The following AFF4 variants were observed in gnomAD, a reference collection of about 807,000 sequenced individuals.
AFF4 encodes the protein AF4/FMR2 family member 4.
A neutral mutation model predicts 124.8 loss-of-function variants in AFF4; 13 were observed. The observed-to-expected ratio is 0.10, with a 90% confidence interval of 0.07 to 0.17. AFF4 has a LOEUF of 0.17. Ranked by LOEUF, AFF4 falls within the 10% of genes least tolerant of loss-of-function variation. The pLI is 1.00. For synonymous variants in AFF4, 477 were observed against 496.1 expected (o/e 0.96, Z 0.51); for missense variants, 1,092 against 1,403.8 (o/e 0.78, Z 3.55).
intron 5 of AFF4, among the ~76,000 whole-genome samples, chr5:132,904,835 G>T (rs1057203790): frequency 6.6e-6 from 1 of 151,988 alleles, no homozygotes; most frequent in Non-Finnish European, 1.5e-5. Context: ...CGGATCATGA[G>T]GTCAGGAGAT....
chr5:132,886,960 A>G (rs547254312), intron 17 of AFF4, among the ~76,000 whole-genome samples: 2 of 152,274 alleles, frequency 1.3e-5, no homozygotes, highest in African/African-American at 2.4e-5. Context: ...AGTTACATAT[A>G]CTTTTCTTTC....
chr5:132,903,308 A>G (rs1355214922), intron 6 of AFF4, among the ~76,000 whole-genome samples: 2 of 152,360 alleles, frequency 1.3e-5, no homozygotes, highest in East Asian at 3.9e-4. Context: ...TAAAGAAAGC[A>G]TAACATCAAA....
chr5:132,882,260 T>C (rs1308599245), intron 20 of AFF4, among the ~76,000 whole-genome samples: 2 of 151,942 alleles, frequency 1.3e-5, no homozygotes, highest in Non-Finnish European at 2.9e-5. Flanking sequence ...CCTTTCACCA[T>C]TGCCTCTCTT....
chr5:132,908,776 A>ATATATATAT (rs375891983), intron 5 of AFF4, among the ~76,000 whole-genome samples: 1 of 114,920 alleles, frequency 8.7e-6, no homozygotes, highest in African/African-American at 3.0e-5. Context: ...ATATATATAT[A>ATATATATAT]TTTTTTTTTT....
intron 5 of AFF4, 39 bp from the exon 6 acceptor site, chr5:132,904,443 A>G (rs772961951): frequency 6.4e-7 from 1 of 1,553,270 alleles, no homozygotes; most frequent in Non-Finnish European, 8.8e-7. Flanking sequence ...AAGTTACACT[A>G]AAAAAGAAAG....
Position 132,896,629 on chromosome 5 carries a change from CTTA to C in AFF4, c.1998_2000del (p.Lys667del). On this transcript the variant is annotated inframe_deletion, in exon 11 of 21. Transcript: ENST00000265343. ...CAGGAGTCCTATTGCTCTCGGGGTACTTAGGAGTTTGTGAGGAAGGAGGAAGGC... is the reference window on the plus strand; with the variant it reads ...CAGGAGTCCTATTGCTCTCGGGGTACGGAGTTTGTGAGGAAGGAGGAAGGC... 1 of 1,614,032 alleles carries C rather than the reference CTTA, an allele frequency of 6.2e-7. No homozygotes were observed. Among genetic ancestry groups the C allele is most frequent in the Non-Finnish European group, 8.5e-7 (1 of 1,180,002 alleles).
chr5:132,910,553 T>A (rs936120240), intron 5 of AFF4, among the ~76,000 whole-genome samples: 2 of 152,204 alleles, frequency 1.3e-5, no homozygotes, highest in Non-Finnish European at 2.9e-5. Flanking sequence ...AAGTACCTAT[T>A]AAAGTATCAC....
intron 5 of AFF4, among the ~76,000 whole-genome samples, chr5:132,907,909 G>C (rs1760705912): frequency 6.6e-6 from 1 of 152,104 alleles, no homozygotes; most frequent in South Asian, 2.1e-4. Context: ...ACAGTTTACA[G>C]ACTTATAGAC....
chr5:132,925,076 G>A (rs1192383730), intron 5 of AFF4, among the ~76,000 whole-genome samples: 2 of 152,018 alleles, frequency 1.3e-5, no homozygotes, highest in Non-Finnish European at 2.9e-5. Flanking sequence ...TCGGGAGGCT[G>A]AGACAGGAGA....
rs533248630 is a variant in AFF4 at position 132,959,833 on chromosome 5, C to T, written c.-5+3426G>A. Among the ~76,000 whole-genome samples, 4 of 134,406 alleles carry T rather than the reference C, an allele frequency of 3.0e-5. No individual in the cohort carries two copies. The East Asian group carries it at 7.3e-4, about 24-fold the overall frequency. The allele number at this position is 134,406 out of a possible 152,430, so 88.2% of individuals were successfully genotyped here. A position where few individuals can be genotyped will look rare whatever the true frequency, so the allele number is the denominator to read the frequency against. On this transcript the variant is annotated intron_variant, in intron 1 of 20. Coordinates refer to ENST00000265343, the MANE Select transcript of AFF4 (RefSeq NM_014423.4). ...AGGCTGGAGTGCAGTGGTGCGATCT[C>T]GACTCACTGCAAGCTCCGCCTCCTG...
chr5:132,893,186 C>A lies in AFF4; in HGVS notation c.2308-68G>T. ...AACTTCAGCTTCCAGCACTAGCTACCCACAAAGAGTTTATCCATGATTAGG... is the reference window on the plus strand; with the variant it reads ...AACTTCAGCTTCCAGCACTAGCTACACACAAAGAGTTTATCCATGATTAGG... On this transcript the variant is annotated intron_variant, in intron 11 of 20. Transcript: ENST00000265343. The A allele has an allele frequency of 3.9e-6, 5 of 1,268,740 alleles. No individual in the cohort carries two copies. The South Asian group carries it at 6.0e-5, about 15-fold the overall frequency. 78.6% of individuals were successfully genotyped at this position (1,268,740 alleles called of 1,614,324 possible). A position where few individuals can be genotyped will look rare whatever the true frequency, so the allele number is the denominator to read the frequency against.
chr5:132,943,389 T>C (rs564059377), intron 1 of AFF4: 62 of 190,798 alleles, frequency 3.2e-4, no homozygotes, highest in Non-Finnish European at 6.1e-4. Flanking sequence ...CATGCCTTGG[T>C]TCAAGGGATG....
At chr5:132,925,455 T>TC (rs1244683226) in intron 5 of AFF4, among the ~76,000 whole-genome samples, 1 of 151,982 alleles carries the variant, frequency 6.6e-6, no homozygotes, top group Non-Finnish European at 1.5e-5. Context: ...ATTTTATTCA[T>TC]CAAAAATTAA....
Position 132,963,551 on chromosome 5 carries a change from C to G in AFF4, c.-297G>C. ...GACTGAGGCGGCGGGGGCGGGTTAA[C>G]GAAGACCTGGCACCAGGATCCCCGC... On this transcript the variant is annotated 5_prime_UTR_variant, in exon 1 of 21. Transcript: ENST00000265343. The G allele has an allele frequency of 2.5e-6, 1 of 398,174 alleles. No individual in the cohort carries two copies. Among genetic ancestry groups the G allele is most frequent in the Non-Finnish European group, 4.4e-6 (1 of 225,822 alleles). 24.7% of individuals were successfully genotyped at this position (398,174 alleles called of 1,614,324 possible). A position where few individuals can be genotyped will look rare whatever the true frequency, so the allele number is the denominator to read the frequency against.
intron 5 of AFF4, among the ~76,000 whole-genome samples, chr5:132,917,033 G>A (rs988977565): frequency 6.6e-6 from 1 of 152,042 alleles, no homozygotes; most frequent in Non-Finnish European, 1.5e-5. Flanking sequence ...CGATTCTCCT[G>A]CCTCAGCCTC....
chr5:132,927,035 T>C (rs1382463376), intron 5 of AFF4, 86 bp downstream of exon 5: 26 of 1,134,210 alleles, frequency 2.3e-5, no homozygotes, highest in Non-Finnish European at 2.3e-5. Context: ...AGAATAGGAA[T>C]GGCAAGACAA....
intron 1 of AFF4, among the ~76,000 whole-genome samples, chr5:132,948,165 C>T (rs10479014): frequency 0.21 from 31,291 of 151,892 alleles, 3,508 homozygotes; most frequent in African/African-American, 0.29. Context: ...ATTCTCGTGC[C>T]TCAGCCTCCC....
chr5:132,881,155 G>A lies in AFF4; in HGVS notation c.3396C>T (p.Gly1132=), dbSNP rs1759967493. The A allele has an allele frequency of 6.2e-7, 1 of 1,613,920 alleles. No homozygotes were observed. The highest frequency in any genetic ancestry group is 8.5e-7 in the Non-Finnish European group (1 of 1,179,984). The change falls in exon 21 of 21, where the codon GGC becomes GGT. Residue 1132 remains glycine (G), a synonymous_variant. Coordinates refer to ENST00000265343, the MANE Select transcript of AFF4 (RefSeq NM_014423.4). The stretch of plus-strand genomic sequence containing the variant: ...TGATGCTTGCATTAAAGATGAGAGG[G>A]CCCATTACTTTATCCAGTTCAGCAA... ...EFFAELDKVM[G]PLIFNASIMT...
chr5:132,958,465 C>CAAAAAAAAA lies in AFF4; in HGVS notation c.-5+4785_-5+4793dup, dbSNP rs34337170. 8.6e-4 allele frequency among the ~76,000 whole-genome samples: 48 copies of CAAAAAAAAA among 55,708 alleles called. 1 individual carries two copies. Among genetic ancestry groups the CAAAAAAAAA allele is most frequent in the African/African-American group, 3.9e-3 (46 of 11,748 alleles). The allele number at this position is 55,708 out of a possible 152,430, so 36.5% of individuals were successfully genotyped here. ...TGGATGACAGAGTGAGACCCTGTCT[C>CAAAAAAAAA]AAAAAAAAAAAAAAAAAAAAAAAAG... On this transcript the variant is annotated intron_variant, in intron 1 of 20. Coordinates refer to ENST00000265343, the MANE Select transcript of AFF4 (RefSeq NM_014423.4).
Sources: allele counts gnomAD v4.1 joint callset (sites outside exome capture counted in the v4.1 genomes callset), GRCh38; gene constraint gnomAD v4.1.1; transcripts MANE v1.5; gene names NCBI Gene and HGNC (gene_info 2026-07-23, HGNC 2026-07-21).